AFG1L: variants seen among roughly 807,000 people sequenced by gnomAD.
AFG1L encodes AFG1-like ATPase.
In AFG1L, 53 loss-of-function variants were observed where a neutral mutation model predicts 62.2. The observed-to-expected ratio is 0.85, with a 90% confidence interval of 0.68 to 1.07. The LOEUF (loss-of-function observed/expected upper bound fraction) is 1.07, where lower values mean the gene tolerates loss of function less well. Among genes scored for constraint, AFG1L ranks in the 50% least tolerant of loss-of-function variants. AFG1L has a pLI of 0.00. For missense variants in AFG1L, 555 were observed against 590.5 expected (o/e 0.94, Z 0.62); for synonymous variants, 228 against 210.3 (o/e 1.08, Z -0.73).
At chr6:108,389,405 T>A (rs1780942626) in intron 6 of AFG1L, among the ~76,000 whole-genome samples, 2 of 152,192 alleles carry the variant, frequency 1.3e-5, no homozygotes, top group South Asian at 4.1e-4. Flanking sequence ...TATGTGTGAA[T>A]TTGATCCCGT....
intron 7 of AFG1L, among the ~76,000 whole-genome samples, chr6:108,443,086 C>G (rs1256426662): frequency 6.6e-6 from 1 of 152,156 alleles, no homozygotes; most frequent in African/African-American, 2.4e-5. Flanking sequence ...TGTAAAATGA[C>G]TGTAAAAGAG....
intron 11 of AFG1L, among the ~76,000 whole-genome samples, chr6:108,514,849 T>G (rs933454003): frequency 6.6e-6 from 1 of 152,178 alleles, no homozygotes; most frequent in Non-Finnish European, 1.5e-5. Flanking sequence ...GTTGCAATCC[T>G]AGTCTCTCAT....
At chr6:108,421,174 G>C (rs904232641) in intron 7 of AFG1L, among the ~76,000 whole-genome samples, 4 of 152,082 alleles carry the variant, frequency 2.6e-5, no homozygotes, top group African/African-American at 9.7e-5. Context: ...TGTAAGAGAG[G>C]GTGTTACTAT....
chr6:108,356,869 A>G, intron 5 of AFG1L, 49 bp downstream of exon 5: 2 of 1,473,388 alleles, frequency 1.4e-6, no homozygotes, highest in Non-Finnish European at 1.9e-6. Flanking sequence ...TGAATGAGGT[A>G]TGAAGATTTA....
Position 108,387,145 on chromosome 6 carries a change from C to T in AFG1L, c.749-14851C>T, listed in dbSNP as rs556985492. 7.2e-5 allele frequency among the ~76,000 whole-genome samples: 11 copies of T among 152,246 alleles called. No individual in the cohort carries two copies. The South Asian group carries it at 2.3e-3, about 32-fold the overall frequency. On this transcript the variant is annotated intron_variant, in intron 6 of 12. Coordinates refer to ENST00000368977, the MANE Select transcript of AFG1L (RefSeq NM_145315.5). Reference sequence around the variant, plus strand: ...AATTGTATGCAAAAAGATATAGCATCCAAACAGTAATGATACGATGGCTAA... The same window carrying T: ...AATTGTATGCAAAAAGATATAGCATTCAAACAGTAATGATACGATGGCTAA...
At chr6:108,477,313 A>C in intron 10 of AFG1L, 21 bp downstream of exon 10, 1 of 1,452,382 alleles carries the variant, frequency 6.9e-7, no homozygotes, top group Non-Finnish European at 9.5e-7. Context: ...AGGCACGTCC[A>C]GACTCACTGG....
intron 1 of AFG1L, among the ~76,000 whole-genome samples, chr6:108,309,333 T>C (rs543441218): frequency 2.0e-5 from 3 of 152,204 alleles, no homozygotes; most frequent in Non-Finnish European, 4.4e-5. Flanking sequence ...TGGGCTTCTA[T>C]TTTGTTCCAT....
intron 8 of AFG1L, among the ~76,000 whole-genome samples, chr6:108,459,417 A>C (rs1772372061): frequency 6.6e-6 from 1 of 152,182 alleles, no homozygotes; most frequent in South Asian, 2.1e-4. Flanking sequence ...GGATCGCTGT[A>C]CTGTGCTTTT....
intron 3 of AFG1L, among the ~76,000 whole-genome samples, chr6:108,348,425 C>T (rs1778953732): frequency 6.6e-6 from 1 of 152,218 alleles, no homozygotes; most frequent in South Asian, 2.1e-4. Flanking sequence ...CCTTTCTAAA[C>T]TGTTCCTTCT....
At chr6:108,304,162 T>C (rs1777117007) in intron 1 of AFG1L, among the ~76,000 whole-genome samples, 2 of 152,232 alleles carry the variant, frequency 1.3e-5, no homozygotes. Flanking sequence ...TAACTAAGCC[T>C]TTTATAAATA....
At chr6:108,518,429 T>C (rs1399347124) in intron 11 of AFG1L, among the ~76,000 whole-genome samples, 1 of 142,198 alleles carries the variant, frequency 7.0e-6, no homozygotes, top group Non-Finnish European at 1.5e-5. Flanking sequence ...ATGTTCTCAC[T>C]CATAGGTGGA....
intron 1 of AFG1L, chr6:108,318,312 C>T (rs1777683219): frequency 2.5e-6 from 1 of 397,242 alleles, no homozygotes; most frequent in Non-Finnish European, 4.8e-6. Flanking sequence ...TGCGTTGAGC[C>T]CAACTGCAGA....
intron 10 of AFG1L, among the ~76,000 whole-genome samples, chr6:108,491,784 A>G (rs541612161): frequency 5.3e-5 from 8 of 152,270 alleles, no homozygotes; most frequent in African/African-American, 1.7e-4. Flanking sequence ...TCACTTTTTA[A>G]TATCTTTTGA....
chr6:108,364,212 C>T (rs983398293), intron 5 of AFG1L, among the ~76,000 whole-genome samples: 15 of 152,040 alleles, frequency 9.9e-5, no homozygotes, highest in South Asian at 4.1e-4. Context: ...GTAAAATTAC[C>T]GTTCCCCGGC....
intron 11 of AFG1L, among the ~76,000 whole-genome samples, chr6:108,516,814 C>G (rs9400236): frequency 0.38 from 58,224 of 151,990 alleles, 11,589 homozygotes; most frequent in Middle Eastern, 0.45. Flanking sequence ...TCTCAGGATA[C>G]AAAATCAATG....
chr6:108,381,905 C>T (rs910231404), intron 6 of AFG1L, among the ~76,000 whole-genome samples: 5 of 151,472 alleles, frequency 3.3e-5, no homozygotes, highest in Admixed American at 1.3e-4. Flanking sequence ...GCTTCTTTGG[C>T]AGATTAACAG....
intron 10 of AFG1L, among the ~76,000 whole-genome samples, chr6:108,480,076 C>T (rs1297858303): frequency 6.6e-6 from 1 of 152,178 alleles, no homozygotes; most frequent in Non-Finnish European, 1.5e-5. Context: ...CTGCTGTTTG[C>T]ACACCTCTTC....
At chr6:108,415,088 T>C (rs1782299901) in intron 7 of AFG1L, among the ~76,000 whole-genome samples, 1 of 152,122 alleles carries the variant, frequency 6.6e-6, no homozygotes, top group Admixed American at 6.6e-5. Context: ...GGATACAAAA[T>C]CAATGTGCAA....
At chr6:108,301,501 G>C (rs1229093763) in intron 1 of AFG1L, among the ~76,000 whole-genome samples, 2 of 152,186 alleles carry the variant, frequency 1.3e-5, no homozygotes, top group South Asian at 2.1e-4. Flanking sequence ...AGGGTCTCTT[G>C]TATTCAGGGT....
Sources: allele counts gnomAD v4.1 joint callset (sites outside exome capture counted in the v4.1 genomes callset), GRCh38; gene constraint gnomAD v4.1.1; transcripts MANE v1.5; gene names NCBI Gene and HGNC (gene_info 2026-07-23, HGNC 2026-07-21).